Variants in WWOX observed in about 807,000 individuals in gnomAD.
The protein encoded by WWOX is WW domain containing oxidoreductase.
In WWOX, 69 loss-of-function variants were observed where a neutral mutation model predicts 46.2. The observed-to-expected ratio is 1.49, with a 90% CI of 1.23 to 1.82. WWOX has a LOEUF of 1.82. WWOX is among the 40% of genes most tolerant of loss of function. The pLI, the probability that WWOX is intolerant of heterozygous loss-of-function variation, is 0.00. For synonymous variants in WWOX, 359 were observed against 202.6 expected (o/e 1.77, Z -6.56); for missense variants, 919 against 542.6 (o/e 1.69, Z -6.89).
At chr16:78,473,548 G>C (rs2084281689) in intron 8 of WWOX, among the ~76,000 whole-genome samples, 1 of 149,802 alleles carries the variant, frequency 6.7e-6, no homozygotes, top group South Asian at 2.2e-4. Flanking sequence ...CAACACCCAG[G>C]TGAGCAGATA....
chr16:78,756,589 G>C (rs188248255), intron 8 of WWOX, among the ~76,000 whole-genome samples: 261 of 152,320 alleles, frequency 1.7e-3, no homozygotes, highest in African/African-American at 5.9e-3. Flanking sequence ...ATATTCCTAT[G>C]AGAGTTTCAT....
intron 8 of WWOX, among the ~76,000 whole-genome samples, chr16:78,594,670 G>C (rs929318601): frequency 2.6e-5 from 4 of 152,026 alleles, no homozygotes; most frequent in Middle Eastern, 3.4e-3. Flanking sequence ...GGGCAGCGTG[G>C]GACCTCAGGG....
Position 78,499,227 on chromosome 16 carries a change from TGGGGGGGTG to T in WWOX, c.1056+66476_1056+66484del, listed in dbSNP as rs562878023. ...CTAGCTCAGTGAGATGGCTTTGCTT[TGGGGGGGTG>T]AGGGGGCGGAGGTGGTGGAAAGGCA... On this transcript the variant is annotated intron_variant, in intron 8 of 8. Transcript: ENST00000566780. Among the ~76,000 whole-genome samples the T allele has an allele frequency of 6.4e-4, 92 of 142,908 alleles. 2 individuals are homozygous for T. In the South Asian group the frequency reaches 0.019, roughly 30 times the overall value. The allele number at this position is 142,908 out of a possible 152,430, so 93.8% of individuals were successfully genotyped here.
At chr16:79,126,933 A>G (rs530937951) in intron 8 of WWOX, among the ~76,000 whole-genome samples, 7 of 152,148 alleles carry the variant, frequency 4.6e-5, no homozygotes, top group Non-Finnish European at 1.5e-5. Context: ...GTGGGAAGTA[A>G]TTTATGTATC....
intron 8 of WWOX, among the ~76,000 whole-genome samples, chr16:78,718,448 T>C (rs1016768124): frequency 2.0e-5 from 3 of 152,188 alleles, no homozygotes; most frequent in Non-Finnish European, 4.4e-5. Context: ...AGCCAAACTT[T>C]ATAACTGAAT....
At chr16:78,594,431 C>T (rs760750047) in intron 8 of WWOX, among the ~76,000 whole-genome samples, 1 of 12,862 alleles carries the variant, frequency 7.8e-5, no homozygotes, top group Non-Finnish European at 2.4e-4. Flanking sequence ...GAGGAAAGGC[C>T]CCCCCCCCCC....
At chr16:79,150,352 C>T (rs1416740333) in intron 8 of WWOX, among the ~76,000 whole-genome samples, 2 of 152,158 alleles carry the variant, frequency 1.3e-5, no homozygotes, top group Non-Finnish European at 2.9e-5. Flanking sequence ...AGATAAAGCC[C>T]TGTTAATAAT....
chr16:78,957,257 T>G (rs749327742), intron 8 of WWOX, among the ~76,000 whole-genome samples: 7 of 152,230 alleles, frequency 4.6e-5, no homozygotes, highest in Admixed American at 4.6e-4. Flanking sequence ...GAAATAATTA[T>G]TTTGAGATAC....
At chr16:78,655,280 T>G (rs774917004) in intron 8 of WWOX, among the ~76,000 whole-genome samples, 4 of 152,190 alleles carry the variant, frequency 2.6e-5, no homozygotes, top group Non-Finnish European at 4.4e-5. Context: ...TAATTTGATT[T>G]GATCACTTAG....
intron 8 of WWOX, among the ~76,000 whole-genome samples, chr16:78,453,665 A>C (rs1413641447): frequency 2.0e-5 from 3 of 152,068 alleles, no homozygotes; most frequent in African/African-American, 4.8e-5. Flanking sequence ...TACTCTGTTT[A>C]TGAATAAAAC....
chr16:78,356,215 T>C (rs1242783752), intron 5 of WWOX, among the ~76,000 whole-genome samples: 1 of 151,972 alleles, frequency 6.6e-6, no homozygotes, highest in Admixed American at 6.6e-5. Context: ...TGCATATATG[T>C]ATATTTGTGT....
chr16:78,174,084 C>A (rs774455842), intron 5 of WWOX, among the ~76,000 whole-genome samples: 2 of 152,104 alleles, frequency 1.3e-5, no homozygotes, highest in Non-Finnish European at 2.9e-5. Flanking sequence ...ATCACATGGG[C>A]AATTAGGGTT....
At chr16:78,776,405 C>G (rs1360600245) in intron 8 of WWOX, among the ~76,000 whole-genome samples, 2 of 152,050 alleles carry the variant, frequency 1.3e-5, no homozygotes, top group Non-Finnish European at 2.9e-5. Context: ...TGGGTCAACT[C>G]ATACCTACTG....
chr16:78,999,114 A>T (rs1391066869), intron 8 of WWOX, among the ~76,000 whole-genome samples: 2 of 152,070 alleles, frequency 1.3e-5, no homozygotes, highest in African/African-American at 2.4e-5. Context: ...GAGCCAGCTC[A>T]AGAACCCAGC....
chr16:78,688,636 G>A (rs1345204502), intron 8 of WWOX, among the ~76,000 whole-genome samples: 1 of 152,136 alleles, frequency 6.6e-6, no homozygotes. Flanking sequence ...TTTCCCCCAA[G>A]GGATAATTGA....
chr16:78,417,003 A>G (rs1459029195), intron 6 of WWOX, among the ~76,000 whole-genome samples: 2 of 150,006 alleles, frequency 1.3e-5, no homozygotes, highest in Non-Finnish European at 2.9e-5. Flanking sequence ...GACAGAAGGT[A>G]TTGTGCAGTA....
At chr16:78,366,915 G>C (rs1435329018) in intron 5 of WWOX, among the ~76,000 whole-genome samples, 2 of 147,880 alleles carry the variant, frequency 1.4e-5, no homozygotes, top group Non-Finnish European at 3.0e-5. Flanking sequence ...GGGGGTGGAT[G>C]TAGGAGAGAA....
intron 8 of WWOX, among the ~76,000 whole-genome samples, chr16:79,104,495 A>G (rs1597379269): frequency 6.6e-6 from 1 of 152,240 alleles, no homozygotes; most frequent in African/African-American, 2.4e-5. Context: ...TGCCAAACAT[A>G]TACAAAGGAT....
intron 8 of WWOX, among the ~76,000 whole-genome samples, chr16:78,550,188 TCTCA>T (rs2044141756): frequency 6.6e-6 from 1 of 152,252 alleles, no homozygotes; most frequent in Non-Finnish European, 1.5e-5. Context: ...CATTAAAAGT[TCTCA>T]CTGGATCATT....
Sources: gnomAD v4.1 joint callset for allele counts (sites outside exome capture counted in the v4.1 genomes callset) on GRCh38, gnomAD v4.1.1 for gene constraint, MANE v1.5 for transcripts, NCBI Gene and HGNC (gene_info 2026-07-23, HGNC 2026-07-21) for gene names.